WDR5: variants seen among roughly 807,000 people sequenced by gnomAD.
WDR5 encodes the protein WD repeat domain 5.
For synonymous variants in WDR5, 144 were observed against 161.6 expected, an observed-to-expected ratio of 0.89 and a Z score of 0.83; for missense variants, 187 against 416.9, an observed-to-expected ratio of 0.45 and a Z score of 4.80.
intron 6 of WDR5, 45 bp from the exon 7 acceptor site, chr9:134,142,591 C>T: frequency 6.2e-7 from 1 of 1,607,552 alleles, no homozygotes; most frequent in Non-Finnish European, 8.5e-7. Context: ...GGAGGTTTGT[C>T]CCCTCTCCTT....
Position 134,139,913 on chromosome 9 carries a change from C to T in WDR5, c.36C>T (p.Ala12=), listed in dbSNP as rs201262638. Residue 12 remains alanine (A), a synonymous_variant, in exon 2 of 14, where the codon GCC becomes GCT. Coordinates refer to ENST00000358625, the MANE Select transcript of WDR5 (RefSeq NM_017588.3). The part of the protein sequence containing the change: ...ATEEKKPETE[A]ARAQPTPSSS... ...AGGAGAAGAAGCCCGAGACCGAGGC[C>T]GCCAGAGCACAGCCAACCCCTTCGT... 1.4e-5 allele frequency: 22 copies of T among 1,613,382 alleles called. No individual in the cohort carries two copies. Among genetic ancestry groups the T allele is most frequent in the African/African-American group, 2.7e-5 (2 of 74,874 alleles).
At chr9:134,142,549 A>C in intron 6 of WDR5, 87 bp from the exon 7 acceptor site, 1 of 1,558,134 alleles carries the variant, frequency 6.4e-7, no homozygotes, top group South Asian at 1.1e-5. Context: ...GTTTGTGGGG[A>C]GGATGGGCTG....
At chr9:134,151,941 T>C in intron 8 of WDR5, 42 bp from the exon 9 acceptor site, 1 of 1,606,530 alleles carries the variant, frequency 6.2e-7, no homozygotes, top group South Asian at 1.1e-5. Flanking sequence ...CGTGAGATCA[T>C]AACTTGTCTG....
chr9:134,138,786 C>T (rs1831720908), intron 1 of WDR5, among the ~76,000 whole-genome samples: 1 of 152,186 alleles, frequency 6.6e-6, no homozygotes, highest in Admixed American at 6.5e-5. Context: ...TCAGCCTGTG[C>T]AAGATTTCAG....
Position 134,141,594 on chromosome 9 carries a change from G to T in WDR5, c.264+11G>T, listed in dbSNP as rs945654546. On this transcript the variant is annotated intron_variant, in intron 4 of 13. Coordinates refer to ENST00000358625, the MANE Select transcript of WDR5 (RefSeq NM_017588.3). Reference sequence around the variant, plus strand: ...TCTGGTCACAAGCTGGTAGGTTTCAGCCCTGTGCGGTGAAGTTGACTGTTG... The same window carrying T: ...TCTGGTCACAAGCTGGTAGGTTTCATCCCTGTGCGGTGAAGTTGACTGTTG... 3 of 1,614,102 alleles carry T rather than the reference G, an allele frequency of 1.9e-6. No homozygotes were observed. Among genetic ancestry groups the T allele is most frequent in the Non-Finnish European group, 2.5e-6 (3 of 1,179,936 alleles).
intron 9 of WDR5, 29 bp from the exon 10 acceptor site, chr9:134,154,437 C>T (rs758819712): frequency 2.5e-5 from 40 of 1,613,164 alleles, no homozygotes; most frequent in Middle Eastern, 3.3e-4. Context: ...CAGCGCCCGC[C>T]GTGTGTCACC....
intron 5 of WDR5, 104 bp downstream of exon 5, chr9:134,142,142 T>C (rs1588169844): frequency 1.4e-6 from 1 of 738,914 alleles, no homozygotes; most frequent in Non-Finnish European, 2.1e-6. Context: ...TCAGCGCTCC[T>C]CTCCAGGGAA....
At position 134,157,266 on chromosome 9, in the gene WDR5, C is replaced by T. The variant is rs1283296945; in HGVS notation, c.905-627C>T. 6.6e-6 allele frequency among the ~76,000 whole-genome samples: 1 copy of T among 152,200 alleles called. No homozygotes were observed. The highest frequency in any genetic ancestry group is 1.5e-5 in the Non-Finnish European group (1 of 68,026). On this transcript the variant is annotated intron_variant, in intron 13 of 13. Coordinates refer to ENST00000358625, the MANE Select transcript of WDR5 (RefSeq NM_017588.3). This position sits in a 1 kb window ranked among gnomAD's most constrained non-coding sequence, Gnocchi z 5.0. ...ACGCTCCACGGCGGGCCTGGGCCTT[C>T]CCCTGGGTCCTCGCCGGCGTTCTGG...
At chr9:134,139,102 C>T (rs1371173454) in intron 1 of WDR5, among the ~76,000 whole-genome samples, 1 of 152,150 alleles carries the variant, frequency 6.6e-6, no homozygotes, top group East Asian at 1.9e-4. Context: ...GAGTCCTGCT[C>T]GTAGAATATC....
intron 6 of WDR5, 46 bp downstream of exon 6, chr9:134,142,468 G>T: frequency 6.2e-7 from 1 of 1,604,254 alleles, no homozygotes; most frequent in Non-Finnish European, 8.5e-7. Context: ...GGTGTCGGAT[G>T]TGGGAAGGCT....
Position 134,157,972 on chromosome 9 carries a change from A to G in WDR5, c.984A>G (p.Lys328=). 6.2e-7 allele frequency: 1 copy of G among 1,613,878 alleles called. No individual in the cohort carries two copies. Among genetic ancestry groups the G allele is most frequent in the Non-Finnish European group, 8.5e-7 (1 of 1,179,876 alleles). The part of the protein sequence containing the change: ...SAALENDKTI[K]LWKSDC Reference sequence around the variant, plus strand: ...CGCTAGAAAATGACAAAACAATTAAACTGTGGAAGAGTGACTGCTAAGTCC... The same window carrying G: ...CGCTAGAAAATGACAAAACAATTAAGCTGTGGAAGAGTGACTGCTAAGTCC... Residue 328 remains lysine, a synonymous_variant, in exon 14 of 14, where the codon AAA becomes AAG. Coordinates refer to ENST00000358625, the MANE Select transcript of WDR5 (RefSeq NM_017588.3). The surrounding 1 kb of genome is among the most constrained non-coding windows in gnomAD (Gnocchi z 5.0).
intron 2 of WDR5, among the ~76,000 whole-genome samples, chr9:134,140,337 G>A (rs1831817902): frequency 6.6e-6 from 1 of 152,140 alleles, no homozygotes; most frequent in Non-Finnish European, 1.5e-5. Context: ...GTCGGAGGGT[G>A]GGGCGCTGGA....
chr9:134,155,830 C>G (rs558765203), intron 12 of WDR5, 63 bp downstream of exon 12: 7 of 1,499,464 alleles, frequency 4.7e-6, no homozygotes, highest in South Asian at 4.6e-5. Flanking sequence ...GAGGTCACAC[C>G]TGTTACAGGT....
chr9:134,157,679 C>T lies in WDR5; in HGVS notation c.905-214C>T, dbSNP rs952224514. Among the ~76,000 whole-genome samples the T allele has an allele frequency of 5.3e-5, 8 of 152,092 alleles. No individual in the cohort carries two copies. Among genetic ancestry groups the T allele is most frequent in the African/African-American group, 9.7e-5 (4 of 41,404 alleles). ...TGGCCTCCTGCCCCTGTCCCCCAAC[C>T]GGCTGTGTCGCCCTGGTACCGGCTG... is the stretch of plus-strand genomic sequence containing the variant. On this transcript the variant is annotated intron_variant, in intron 13 of 13. Coordinates refer to ENST00000358625, the MANE Select transcript of WDR5 (RefSeq NM_017588.3). This position sits in a 1 kb window ranked among gnomAD's most constrained non-coding sequence, Gnocchi z 5.0.
In WDR5 at chr9:134,157,933, C is replaced by G. The variant is rs1445769095; in HGVS notation, c.945C>G (p.Ile315Met). The stretch of plus-strand genomic sequence containing the variant: ...CAGCTTGTCACCCAACAGAAAACAT[C>G]ATCGCCTCTGCTGCGCTAGAAAATG... ...ISTACHPTEN[I>M]IASAALENDK... Residue 315 changes from isoleucine to methionine, a missense_variant, in exon 14 of 14, where the codon ATC becomes ATG. Coordinates refer to ENST00000358625, the MANE Select transcript of WDR5 (RefSeq NM_017588.3). This position sits in a 1 kb window ranked among gnomAD's most constrained non-coding sequence, Gnocchi z 5.0. The G allele has an allele frequency of 6.2e-7, 1 of 1,614,040 alleles. No individual in the cohort carries two copies. The highest frequency in any genetic ancestry group is 1.3e-5 in the African/African-American group (1 of 74,916).
intron 1 of WDR5, among the ~76,000 whole-genome samples, chr9:134,137,678 C>A (rs28507484): frequency 0.96 from 135,142 of 140,582 alleles, 65,026 homozygotes; most frequent in East Asian, 0.99. Flanking sequence ...AAAAAAAAAA[C>A]AAAAACAAAA....
rs764332293 is a variant in WDR5, at chr9:134,158,004, T to A, written c.*11T>A. 1 of 1,612,748 alleles carries A rather than the reference T, an allele frequency of 6.2e-7. No individual in the cohort carries two copies. The highest frequency in any genetic ancestry group is 1.1e-5 in the South Asian group (1 of 91,040). On this transcript the variant is annotated 3_prime_UTR_variant, in exon 14 of 14. Coordinates refer to ENST00000358625, the MANE Select transcript of WDR5 (RefSeq NM_017588.3). ...AAGAGTGACTGCTAAGTCCCTTTGCTCCTGCCCGCGAGAGACTGTCGGGAA... is the reference window on the plus strand; with the variant it reads ...AAGAGTGACTGCTAAGTCCCTTTGCACCTGCCCGCGAGAGACTGTCGGGAA...
At chr9:134,147,011 C>G (rs987664882) in intron 7 of WDR5, among the ~76,000 whole-genome samples, 3 of 152,190 alleles carry the variant, frequency 2.0e-5, no homozygotes, top group Admixed American at 2.0e-4. Flanking sequence ...GCATGATGGC[C>G]CAGAGCTCAG....
chr9:134,140,840 G>A (rs886844934), intron 3 of WDR5, 29 bp downstream of exon 3: 3 of 1,597,724 alleles, frequency 1.9e-6, no homozygotes, highest in Admixed American at 1.7e-5. Flanking sequence ...CTTAGCTGCT[G>A]GGAGAGGCGG....
Sources: allele counts gnomAD v4.1 joint callset (sites outside exome capture counted in the v4.1 genomes callset), GRCh38; gene constraint gnomAD v4.1.1; non-coding constraint Gnocchi (gnomAD v3.1); transcripts MANE v1.5; gene names NCBI Gene and HGNC (gene_info 2026-07-23, HGNC 2026-07-21).